The following OXSR1 variants were observed in gnomAD, a reference collection of about 807,000 sequenced individuals.
The protein encoded by OXSR1 is serine/threonine-protein kinase OSR1.
In OXSR1, 24 loss-of-function variants were observed where a neutral mutation model predicts 79.8. That is an observed-to-expected ratio of 0.30 (90% CI 0.22 to 0.42). OXSR1 has a LOEUF of 0.42. Ranked by LOEUF, OXSR1 falls within the 10% of genes least tolerant of loss-of-function variation. The pLI is 1.00. For synonymous variants in OXSR1, 226 were observed against 209.2 expected (o/e 1.08, Z -0.69); for missense variants, 430 against 618.4 (o/e 0.70, Z 3.23).
chr3:38,240,972 C>T lies in OXSR1; in HGVS notation c.1075-1771C>T, dbSNP rs574299425. On this transcript the variant is annotated intron_variant, in intron 11 of 17. Coordinates refer to ENST00000311806, the MANE Select transcript of OXSR1 (RefSeq NM_005109.3). ...TGGAAAATCATCATTTTACAATCAT[C>T]GTCGCAAGGATAGGATTAGGCAGGA... Among the ~76,000 whole-genome samples, 17 of 152,076 alleles carry T rather than the reference C, an allele frequency of 1.1e-4. 1 individual carries two copies. The highest frequency in any genetic ancestry group is 8.3e-4 in the South Asian group (4 of 4,816).
chr3:38,240,908 A>G (rs1004550119), intron 11 of OXSR1, among the ~76,000 whole-genome samples: 1 of 152,212 alleles, frequency 6.6e-6, no homozygotes, highest in African/African-American at 2.4e-5. Context: ...GCGGTAGGCT[A>G]CCAAGTGCTG....
chr3:38,181,929 C>T (rs982520466), intron 1 of OXSR1, among the ~76,000 whole-genome samples: 8 of 151,720 alleles, frequency 5.3e-5, no homozygotes, highest in African/African-American at 9.7e-5. Flanking sequence ...CTATGTTTCC[C>T]AGGCTGGTCT....
At chr3:38,196,970 C>T (rs1335420465) in intron 3 of OXSR1, among the ~76,000 whole-genome samples, 2 of 152,192 alleles carry the variant, frequency 1.3e-5, no homozygotes, top group Non-Finnish European at 2.9e-5. Context: ...TTAGGTATTA[C>T]ATTGTAAACA....
At chr3:38,194,245 G>A (rs982395785) in intron 3 of OXSR1, among the ~76,000 whole-genome samples, 1 of 152,172 alleles carries the variant, frequency 6.6e-6, no homozygotes, top group Non-Finnish European at 1.5e-5. Context: ...GTCCAACTGA[G>A]ATCTAAAGAA....
chr3:38,206,169 T>C (rs1702260599), intron 4 of OXSR1, among the ~76,000 whole-genome samples: 1 of 152,178 alleles, frequency 6.6e-6, no homozygotes, highest in African/African-American at 2.4e-5. Context: ...GTTACTATTA[T>C]TAATCTTACT....
chr3:38,174,867 T>C (rs1701649864), intron 1 of OXSR1, among the ~76,000 whole-genome samples: 1 of 152,086 alleles, frequency 6.6e-6, no homozygotes, highest in South Asian at 2.1e-4. Flanking sequence ...GGAGAGCGAG[T>C]GATGATTCAT....
At chr3:38,200,468 C>G (rs918975034) in intron 4 of OXSR1, among the ~76,000 whole-genome samples, 1 of 152,104 alleles carries the variant, frequency 6.6e-6, no homozygotes, top group Admixed American at 6.5e-5. Flanking sequence ...TTCCTCTTTT[C>G]TCCTTTCAGA....
intron 1 of OXSR1, among the ~76,000 whole-genome samples, chr3:38,181,117 C>CTT (rs74541704): frequency 1.4e-5 from 2 of 142,448 alleles, no homozygotes; most frequent in Non-Finnish European, 3.1e-5. Context: ...AGGCTTTGTT[C>CTT]TTTTTTTTTT....
chr3:38,240,976 G>T (rs914745370), intron 11 of OXSR1, among the ~76,000 whole-genome samples: 2 of 152,044 alleles, frequency 1.3e-5, no homozygotes, highest in Non-Finnish European at 2.9e-5. Flanking sequence ...AATCATCGTC[G>T]CAAGGATAGG....
At chr3:38,252,162 T>C (rs913763282) in intron 16 of OXSR1, among the ~76,000 whole-genome samples, 166 bp from the exon 17 acceptor site, 15 of 152,216 alleles carry the variant, frequency 9.9e-5, no homozygotes, top group Non-Finnish European at 2.9e-5. Context: ...TACTCAGAAA[T>C]GAGTTTAAAA....
intron 11 of OXSR1, among the ~76,000 whole-genome samples, chr3:38,242,218 C>T (rs1044116364): frequency 1.3e-5 from 2 of 151,966 alleles, no homozygotes; most frequent in African/African-American, 2.4e-5. Context: ...TTGGACCACC[C>T]GTGTTTCTTT....
chr3:38,185,580 T>C (rs1463727781), intron 2 of OXSR1, among the ~76,000 whole-genome samples: 2 of 152,058 alleles, frequency 1.3e-5, no homozygotes, highest in Admixed American at 1.3e-4. Context: ...AGCAAGACTC[T>C]GTCTCAAAAA....
rs559793113 is a variant in OXSR1 at position 38,240,459 on chromosome 3, C to T, written c.1075-2284C>T. 3.4e-4 allele frequency among the ~76,000 whole-genome samples: 52 copies of T among 151,976 alleles called. 1 individual carries two copies. Among genetic ancestry groups the T allele is most frequent in the African/African-American group, 4.8e-4 (20 of 41,452 alleles). ...AAGTATGTGTGTGAATGTGTGTGTG[C>T]GTGTATGTATATACGTGTGTCTGTA... On this transcript the variant is annotated intron_variant, in intron 11 of 17. Coordinates refer to ENST00000311806, the MANE Select transcript of OXSR1 (RefSeq NM_005109.3).
intron 3 of OXSR1, among the ~76,000 whole-genome samples, chr3:38,197,296 G>T (rs369150434): frequency 1.3e-5 from 2 of 152,232 alleles, no homozygotes; most frequent in Admixed American, 6.5e-5. Context: ...CCTATTGGAG[G>T]TGAAGAGTTA....
In OXSR1 at chr3:38,230,377, C is replaced by A; in HGVS notation, c.898C>A (p.Leu300Ile). 2 of 1,594,868 alleles carry A rather than the reference C, an allele frequency of 1.3e-6. No homozygotes were observed. The change falls in exon 10 of 18, where the codon CTT becomes ATT. Residue 300 changes from leucine (L) to isoleucine (I), a missense_variant. Coordinates refer to ENST00000311806, the MANE Select transcript of OXSR1 (RefSeq NM_005109.3). ...TTTTCCTCTCCAGAATAAAGAATTT[C>A]TTCAAGAAAAAACATTGCAGAGAGC... ...FFQKAKNKEF[L>I]QEKTLQRAPT... is the part of the protein sequence containing the mutation.
chr3:38,195,811 C>G (rs1369195011), intron 3 of OXSR1, among the ~76,000 whole-genome samples: 1 of 152,082 alleles, frequency 6.6e-6, no homozygotes, highest in African/African-American at 2.4e-5. Flanking sequence ...TTTAAATGTT[C>G]CATGCCACAG....
In OXSR1 at chr3:38,249,983, T is replaced by C; in HGVS notation, c.1340T>C (p.Leu447Pro). Residue 447 changes from leucine (L) to proline (P), a missense_variant, in exon 15 of 18, where the codon CTA becomes CCA. By Grantham distance (98) the Leu-to-Pro change is moderately conservative (BLOSUM62 -3). Around this residue, in one of 3 missense-constraint regions of OXSR1, gnomAD observed 276 missense variants for 354.2 expected, o/e 0.78. Coordinates refer to ENST00000311806, the MANE Select transcript of OXSR1 (RefSeq NM_005109.3). The part of the protein sequence containing the change: ...VLRLRNSKKE[L>P]NDIRFEFTPG... ...TTTCATAGGAATTCCAAAAAAGAACTAAATGATATTCGATTTGAATTTACT... is the reference window on the plus strand; with the variant it reads ...TTTCATAGGAATTCCAAAAAAGAACCAAATGATATTCGATTTGAATTTACT... The C allele has an allele frequency of 6.3e-7, 1 of 1,591,808 alleles. No individual in the cohort carries two copies. Among genetic ancestry groups the C allele is most frequent in the Middle Eastern group, 1.7e-4 (1 of 5,970 alleles).
intron 7 of OXSR1, 69 bp downstream of exon 7, chr3:38,223,982 T>C (rs992264816): frequency 3.4e-6 from 3 of 885,786 alleles, no homozygotes; most frequent in South Asian, 3.5e-5. Context: ...TTTGCCAGTC[T>C]TTTAATTTTT....
intron 3 of OXSR1, among the ~76,000 whole-genome samples, chr3:38,195,905 A>T (rs1396247936): frequency 6.6e-6 from 1 of 152,216 alleles, no homozygotes; most frequent in East Asian, 1.9e-4. Flanking sequence ...ATTTGTACCA[A>T]ATACCCTGTT....
Sources: gnomAD v4.1 joint callset for allele counts (sites outside exome capture counted in the v4.1 genomes callset) on GRCh38, gnomAD v4.1.1 for gene constraint, gnomAD v4.1.1 regional missense constraint, MANE v1.5 for transcripts, NCBI Gene and HGNC (gene_info 2026-07-23, HGNC 2026-07-21) for gene names.